Variants in SELENOT observed in about 807,000 individuals in gnomAD.
SELENOT encodes selenoprotein T.
In SELENOT, 9 loss-of-function variants were observed where a neutral mutation model predicts 24.3. The ratio of observed to expected loss-of-function variants is 0.37; its 90% confidence interval spans 0.22 to 0.65. The LOEUF (loss-of-function observed/expected upper bound fraction) is 0.65. Among genes scored for constraint, SELENOT ranks in the 30% least tolerant of loss-of-function variants. The pLI is 0.60. For missense variants in SELENOT, 166 were observed against 247.6 expected (o/e 0.67, Z 2.21); for synonymous variants, 81 against 86.0 (o/e 0.94, Z 0.32).
intron 1 of SELENOT, among the ~76,000 whole-genome samples, chr3:150,615,369 G>T (rs1256815511): frequency 6.6e-6 from 1 of 151,250 alleles, no homozygotes; most frequent in African/African-American, 2.4e-5. Context: ...ATAGTCCTTT[G>T]GGTATATACC....
chr3:150,609,187 G>C (rs1037226621), intron 1 of SELENOT, among the ~76,000 whole-genome samples: 2 of 152,082 alleles, frequency 1.3e-5, no homozygotes, highest in African/African-American at 4.8e-5. Flanking sequence ...GTTGTTGAGG[G>C]TAAAACTTAA....
rs1020569729 is a variant in SELENOT at position 150,627,801 on chromosome 3, A to C, written c.*172A>C. On this transcript the variant is annotated 3_prime_UTR_variant, in exon 6 of 6. Coordinates refer to ENST00000471696, the MANE Select transcript of SELENOT (RefSeq NM_016275.5). ...AAACCTCAATGCAAGATAGTGTTTC[A>C]GTGCTGGCATATTTTGGAATTCTGC... The C allele has an allele frequency of 6.6e-6, 1 of 152,606 alleles. No homozygotes were observed. The highest frequency in any genetic ancestry group is 1.5e-5 in the Non-Finnish European group (1 of 68,048). The allele number at this position is 152,606 out of a possible 1,614,324, so 9.5% of individuals were successfully genotyped here.
intron 1 of SELENOT, among the ~76,000 whole-genome samples, chr3:150,613,353 A>G (rs1211006590): frequency 1.3e-5 from 2 of 152,364 alleles, no homozygotes; most frequent in African/African-American, 4.8e-5. Flanking sequence ...TTTGTAGGAC[A>G]TATTCAAACC....
chr3:150,611,952 C>T (rs369148685), intron 1 of SELENOT: 2 of 726,698 alleles, frequency 2.8e-6, no homozygotes, highest in East Asian at 2.9e-5. Context: ...GCAGTTCACT[C>T]TGCACACCAA....
chr3:150,623,600 T>TC (rs1726385050), intron 3 of SELENOT, among the ~76,000 whole-genome samples: 1 of 149,416 alleles, frequency 6.7e-6, no homozygotes, highest in East Asian at 2.0e-4. Flanking sequence ...CTCCTCTCTC[T>TC]TTTTAAATTA....
chr3:150,605,338 C>G (rs1725938470), intron 1 of SELENOT, among the ~76,000 whole-genome samples: 1 of 151,936 alleles, frequency 6.6e-6, no homozygotes, highest in African/African-American at 2.4e-5. Flanking sequence ...TTTTGGAACA[C>G]TTGTCACAAT....
chr3:150,622,763 C>T (rs571021319), intron 2 of SELENOT, among the ~76,000 whole-genome samples: 64 of 152,062 alleles, frequency 4.2e-4, no homozygotes, highest in African/African-American at 1.4e-3. Flanking sequence ...GAATAACAAT[C>T]CTAAATTTTT....
intron 3 of SELENOT, among the ~76,000 whole-genome samples, chr3:150,624,604 CA>C (rs765941649): frequency 2.5e-4 from 38 of 152,206 alleles, no homozygotes; most frequent in Admixed American, 2.4e-3. Flanking sequence ...TGAAATCTCT[CA>C]AATTCTGTGT....
At chr3:150,606,716 C>G (rs1290347439) in intron 1 of SELENOT, among the ~76,000 whole-genome samples, 1 of 152,034 alleles carries the variant, frequency 6.6e-6, no homozygotes, top group Non-Finnish European at 1.5e-5. Flanking sequence ...CCTCAGCCTC[C>G]TGAGTAGCTG....
intron 1 of SELENOT, among the ~76,000 whole-genome samples, chr3:150,608,000 G>T (rs1029398389): frequency 1.2e-4 from 18 of 152,302 alleles, no homozygotes; most frequent in African/African-American, 3.4e-4. Context: ...AATAGAAAGA[G>T]ATGTATTTGA....
chr3:150,621,714 T>C (rs193182731), intron 1 of SELENOT, among the ~76,000 whole-genome samples: 6 of 151,650 alleles, frequency 4.0e-5, no homozygotes, highest in Non-Finnish European at 7.4e-5. Flanking sequence ...TATAAGGATT[T>C]TCTGTCCATA....
intron 1 of SELENOT, among the ~76,000 whole-genome samples, chr3:150,606,053 G>A (rs1725954828): frequency 6.6e-6 from 1 of 151,250 alleles, no homozygotes; most frequent in Non-Finnish European, 1.5e-5. Flanking sequence ...GCAATTGTTA[G>A]TCAACACAAT....
intron 1 of SELENOT, chr3:150,611,797 G>T: frequency 1.9e-6 from 2 of 1,048,564 alleles, no homozygotes; most frequent in South Asian, 2.9e-5. Context: ...CCTCAGCCCC[G>T]ATTTCCCGGA....
intron 1 of SELENOT, among the ~76,000 whole-genome samples, chr3:150,616,359 TTAAAC>T (rs1726217890): frequency 7.0e-6 from 1 of 142,072 alleles, no homozygotes; most frequent in Non-Finnish European, 1.5e-5. Flanking sequence ...TGGGATCTAA[TTAAAC>T]TAAAGAGCTT....
intron 3 of SELENOT, among the ~76,000 whole-genome samples, chr3:150,624,368 G>T (rs527245003): frequency 2.0e-5 from 3 of 152,122 alleles, no homozygotes; most frequent in Non-Finnish European, 2.9e-5. Flanking sequence ...GTATAGATTT[G>T]CCTTTGAAAG....
rs1332672835 is a variant in SELENOT, at chr3:150,617,717, T to A, written c.138-4668T>A. Among the ~76,000 whole-genome samples the A allele has an allele frequency of 2.0e-5, 3 of 152,224 alleles. No individual in the cohort carries two copies. The East Asian group carries it at 5.8e-4, about 29-fold the overall frequency. On this transcript the variant is annotated intron_variant, in intron 1 of 5. Coordinates refer to ENST00000471696, the MANE Select transcript of SELENOT (RefSeq NM_016275.5). Reference sequence around the variant, plus strand: ...GTAAGAGAAATCACCTGGTCTCATATAATATAGTTCCTTAACCTGATAAGC... The same window carrying A: ...GTAAGAGAAATCACCTGGTCTCATAAAATATAGTTCCTTAACCTGATAAGC...
At chr3:150,606,310 T>C (rs1725961471) in intron 1 of SELENOT, among the ~76,000 whole-genome samples, 1 of 151,652 alleles carries the variant, frequency 6.6e-6, no homozygotes, top group Non-Finnish European at 1.5e-5. Context: ...GCCTGGCTAA[T>C]TTTCATATTT....
Position 150,629,777 on chromosome 3 carries a change from G to T in SELENOT, c.*2148G>T, listed in dbSNP as rs1726517333. ...ATAGAGTCTAGTGAAAAAAATGAGT[G>T]GGAAGAATGAATATAAAAGTAATAA... On this transcript the variant is annotated 3_prime_UTR_variant, in exon 6 of 6. Coordinates refer to ENST00000471696, the MANE Select transcript of SELENOT (RefSeq NM_016275.5). 1 of 152,520 alleles carries T rather than the reference G, an allele frequency of 6.6e-6. No homozygotes were observed. The highest frequency in any genetic ancestry group is 1.5e-5 in the Non-Finnish European group (1 of 68,018). 9.4% of individuals were successfully genotyped at this position (152,520 alleles called of 1,614,324 possible).
intron 1 of SELENOT, chr3:150,611,407 C>G (rs1726089192): frequency 1.0e-5 from 13 of 1,243,290 alleles, no homozygotes; most frequent in Non-Finnish European, 1.4e-5. Flanking sequence ...TTTATTAAGT[C>G]CTGGTCTGGT....
Sources: gnomAD v4.1 joint callset for allele counts (sites outside exome capture counted in the v4.1 genomes callset) on GRCh38, gnomAD v4.1.1 for gene constraint, MANE v1.5 for transcripts, NCBI Gene and HGNC (gene_info 2026-07-23, HGNC 2026-07-21) for gene names.